The following CHCHD3 variants were observed in gnomAD, a reference collection of about 807,000 sequenced individuals.
CHCHD3 encodes coiled-coil-helix-coiled-coil-helix domain containing 3.
A neutral mutation model predicts 38.2 loss-of-function variants in CHCHD3; 20 were observed. The observed-to-expected ratio is 0.52, with a 90% CI of 0.37 to 0.76. The LOEUF (loss-of-function observed/expected upper bound fraction) is 0.76. Among genes scored for constraint, CHCHD3 ranks in the 30% least tolerant of loss-of-function variants. The probability of loss-of-function intolerance (pLI) is 0.00; values close to 1 mark genes in which losing one functional copy is unlikely to be tolerated. For synonymous variants in CHCHD3, 82 were observed against 100.0 expected (o/e 0.82, Z 1.07); for missense variants, 245 against 279.2 (o/e 0.88, Z 0.87).
At chr7:133,041,496 C>G (rs1813834350) in intron 2 of CHCHD3, among the ~76,000 whole-genome samples, 1 of 152,122 alleles carries the variant, frequency 6.6e-6, no homozygotes, top group Non-Finnish European at 1.5e-5. Flanking sequence ...GCAAGCTAAC[C>G]TTTAATGAAA....
chr7:133,078,290 C>T (rs1212851801), intron 1 of CHCHD3, among the ~76,000 whole-genome samples: 1 of 152,164 alleles, frequency 6.6e-6, no homozygotes, highest in East Asian at 1.9e-4. Context: ...GCCTGGGTGA[C>T]AGAGCAAGAC....
chr7:132,848,826 T>A (rs897247901), intron 5 of CHCHD3, among the ~76,000 whole-genome samples: 7 of 152,286 alleles, frequency 4.6e-5, no homozygotes, highest in Middle Eastern at 3.4e-3. Context: ...TTACTGAAAC[T>A]TCTTAAACCT....
chr7:133,072,353 T>C (rs919070166), intron 1 of CHCHD3, among the ~76,000 whole-genome samples: 3 of 152,154 alleles, frequency 2.0e-5, no homozygotes, highest in Admixed American at 2.0e-4. Flanking sequence ...GAGTGCTTAT[T>C]ATGTGCCAGG....
chr7:132,908,223 T>C (rs1182592592), intron 4 of CHCHD3, among the ~76,000 whole-genome samples: 2 of 152,182 alleles, frequency 1.3e-5, no homozygotes, highest in African/African-American at 4.8e-5. Context: ...TTTAAGAGAA[T>C]CATGCTGCCA....
intron 2 of CHCHD3, among the ~76,000 whole-genome samples, chr7:133,056,217 C>A (rs1814329480): frequency 6.6e-6 from 1 of 152,086 alleles, no homozygotes; most frequent in Non-Finnish European, 1.5e-5. Flanking sequence ...CTTTGTCAGT[C>A]TATTCGTATT....
chr7:133,045,999 A>G (rs947210836), intron 2 of CHCHD3, among the ~76,000 whole-genome samples: 2 of 152,306 alleles, frequency 1.3e-5, no homozygotes, highest in East Asian at 3.9e-4. Context: ...TCATGAGCCA[A>G]TTAAACCTCT....
At chr7:133,029,540 T>C (rs555996862) in intron 2 of CHCHD3, among the ~76,000 whole-genome samples, 1 of 152,334 alleles carries the variant, frequency 6.6e-6, no homozygotes, top group South Asian at 2.1e-4. Flanking sequence ...TGTCATATCT[T>C]CATAGTGCAC....
At chr7:132,875,632 C>T (rs929210919) in intron 5 of CHCHD3, among the ~76,000 whole-genome samples, 1 of 152,178 alleles carries the variant, frequency 6.6e-6, no homozygotes, top group African/African-American at 2.4e-5. Context: ...CTGAAAGCTC[C>T]GTGCCAGATA....
chr7:133,045,727 C>T (rs902808716), intron 2 of CHCHD3, among the ~76,000 whole-genome samples: 1 of 152,050 alleles, frequency 6.6e-6, no homozygotes, highest in African/African-American at 2.4e-5. Context: ...AAATTGTAAT[C>T]GCCAGTGTTG....
intron 6 of CHCHD3, among the ~76,000 whole-genome samples, chr7:132,810,654 G>C (rs1330542044): frequency 1.3e-5 from 2 of 152,160 alleles, no homozygotes; most frequent in East Asian, 3.9e-4. Context: ...TGATTTCTAC[G>C]TAAAGGGATA....
At chr7:132,897,514 C>G (rs1809530648) in intron 4 of CHCHD3, among the ~76,000 whole-genome samples, 1 of 152,190 alleles carries the variant, frequency 6.6e-6, no homozygotes, top group Non-Finnish European at 1.5e-5. Context: ...AGCGAGGCTC[C>G]AAGCTCTTTG....
chr7:133,080,400 C>T (rs945265410), intron 1 of CHCHD3, among the ~76,000 whole-genome samples: 2 of 152,168 alleles, frequency 1.3e-5, no homozygotes, highest in Admixed American at 6.5e-5. Context: ...CATTCTCTTT[C>T]GATTTTGTTT....
At chr7:133,047,464 G>A (rs1262421500) in intron 2 of CHCHD3, among the ~76,000 whole-genome samples, 1 of 152,068 alleles carries the variant, frequency 6.6e-6, no homozygotes, top group African/African-American at 2.4e-5. Flanking sequence ...ATGCAAATGT[G>A]GTATATCCTT....
intron 5 of CHCHD3, among the ~76,000 whole-genome samples, chr7:132,877,978 T>C (rs930327187): frequency 6.6e-6 from 1 of 152,178 alleles, no homozygotes; most frequent in Non-Finnish European, 1.5e-5. Flanking sequence ...CCTAAAATCA[T>C]TGGCAACTGT....
At chr7:133,018,951 T>G (rs989017864) in intron 3 of CHCHD3, among the ~76,000 whole-genome samples, 3 of 143,056 alleles carry the variant, frequency 2.1e-5, no homozygotes, top group Admixed American at 7.8e-5. Context: ...TGGCGCGATC[T>G]TGGCTCACCA....
intron 4 of CHCHD3, among the ~76,000 whole-genome samples, chr7:132,971,132 A>G (rs765970201): frequency 6.6e-6 from 1 of 152,198 alleles, no homozygotes; most frequent in African/African-American, 2.4e-5. Context: ...GATCACGTAT[A>G]TAAGATCTTT....
chr7:133,043,875 T>C (rs1273381058), intron 2 of CHCHD3, among the ~76,000 whole-genome samples: 1 of 152,178 alleles, frequency 6.6e-6, no homozygotes, highest in Admixed American at 6.6e-5. Context: ...TAGCAAAATA[T>C]GAGACACACC....
intron 3 of CHCHD3, among the ~76,000 whole-genome samples, chr7:133,002,332 C>CTG (rs903778142): frequency 1.3e-5 from 2 of 152,044 alleles, no homozygotes; most frequent in Admixed American, 6.5e-5. Flanking sequence ...AAAGTGAAGC[C>CTG]TGGAAGGGTA....
At chr7:132,932,457 C>A (rs1481581749) in intron 4 of CHCHD3, among the ~76,000 whole-genome samples, 2 of 152,190 alleles carry the variant, frequency 1.3e-5, no homozygotes, top group Non-Finnish European at 2.9e-5. Flanking sequence ...TAAGACAAAG[C>A]AAAAACAAGG....
Sources: allele counts gnomAD v4.1 joint callset (sites outside exome capture counted in the v4.1 genomes callset), GRCh38; gene constraint gnomAD v4.1.1; transcripts MANE v1.5; gene names NCBI Gene and HGNC (gene_info 2026-07-23, HGNC 2026-07-21).